Variants in SLC4A10 observed in about 807,000 individuals in gnomAD.
SLC4A10 encodes sodium-driven chloride bicarbonate exchanger.
A neutral mutation model predicts 137.7 loss-of-function variants in SLC4A10; 42 were observed. That is an observed-to-expected ratio of 0.30 (90% CI 0.24 to 0.39). SLC4A10 has a LOEUF of 0.39. Ranked by LOEUF, SLC4A10 falls within the 10% of genes least tolerant of loss-of-function variation. The probability of loss-of-function intolerance (pLI) is 1.00; values close to 1 mark genes in which losing one functional copy is unlikely to be tolerated. For missense variants in SLC4A10, 925 were observed against 1,355.0 expected (o/e 0.68, Z 4.98); for synonymous variants, 474 against 464.1 (o/e 1.02, Z -0.27).
chr2:161,905,960 A>G, intron 15 of SLC4A10, 73 bp downstream of exon 15: 1 of 1,497,690 alleles, frequency 6.7e-7, no homozygotes, highest in Non-Finnish European at 8.9e-7. Context: ...AAGAAATATG[A>G]GGAAATTACT....
chr2:161,956,080 C>T (rs753732141), intron 19 of SLC4A10, among the ~76,000 whole-genome samples: 8 of 152,084 alleles, frequency 5.3e-5, no homozygotes, highest in Admixed American at 2.6e-4. Flanking sequence ...AGCCTTGAAA[C>T]CTAATGAGTA....
chr2:161,674,460 T>C (rs1164782090), intron 1 of SLC4A10, among the ~76,000 whole-genome samples: 1 of 152,230 alleles, frequency 6.6e-6, no homozygotes, highest in Non-Finnish European at 1.5e-5. Flanking sequence ...TTATTTCTGC[T>C]ACTGCTGCCA....
intron 19 of SLC4A10, among the ~76,000 whole-genome samples, chr2:161,952,018 A>T (rs1694891020): frequency 6.6e-6 from 1 of 152,132 alleles, no homozygotes; most frequent in South Asian, 2.1e-4. Flanking sequence ...CAACTAAAAA[A>T]CCTGTTTTAG....
intron 1 of SLC4A10, among the ~76,000 whole-genome samples, chr2:161,669,109 C>T (rs1024662244): frequency 2.6e-5 from 4 of 151,886 alleles, no homozygotes; most frequent in African/African-American, 7.2e-5. Flanking sequence ...AAATGCTAGA[C>T]ACAAACTGTA....
At chr2:161,863,098 A>G (rs766471598) in intron 6 of SLC4A10, 36 bp downstream of exon 6, 7 of 1,581,600 alleles carry the variant, frequency 4.4e-6, no homozygotes, top group Non-Finnish European at 5.2e-6. Flanking sequence ...TATGTCTACT[A>G]TAGGTCTCTG....
intron 1 of SLC4A10, among the ~76,000 whole-genome samples, chr2:161,691,625 G>A (rs1287944494): frequency 6.6e-6 from 1 of 151,798 alleles, no homozygotes. Context: ...AATTAATATT[G>A]TCATCATTTT....
At chr2:161,910,497 T>C (rs1380738400) in intron 15 of SLC4A10, among the ~76,000 whole-genome samples, 5 of 152,138 alleles carry the variant, frequency 3.3e-5, no homozygotes, top group African/African-American at 1.2e-4. Context: ...TTGTATAAGA[T>C]GAAATGTTTC....
chr2:161,653,083 T>C (rs894054666), intron 1 of SLC4A10, among the ~76,000 whole-genome samples: 23 of 152,256 alleles, frequency 1.5e-4, no homozygotes, highest in African/African-American at 5.3e-4. Context: ...CTCCCACTTA[T>C]GAATGAGAAC....
chr2:161,765,075 A>G (rs2050653746), intron 1 of SLC4A10, among the ~76,000 whole-genome samples: 2 of 152,134 alleles, frequency 1.3e-5, no homozygotes, highest in Non-Finnish European at 2.9e-5. Context: ...AAGTCTTGAA[A>G]TAAATTTAAC....
At chr2:161,892,856 C>T (rs767666783) in intron 10 of SLC4A10, among the ~76,000 whole-genome samples, 6 of 151,986 alleles carry the variant, frequency 3.9e-5, no homozygotes, top group South Asian at 4.1e-4. Context: ...ATATTAAGTA[C>T]GTAATTCCTG....
intron 5 of SLC4A10, among the ~76,000 whole-genome samples, chr2:161,862,121 AT>A (rs1380820539): frequency 6.6e-6 from 1 of 152,184 alleles, no homozygotes; most frequent in Non-Finnish European, 1.5e-5. Flanking sequence ...TTTTACTGAC[AT>A]TTTTGATACT....
intron 1 of SLC4A10, 92 bp from the exon 2 acceptor site, chr2:161,770,881 G>A (rs41267437): frequency 0.099 from 82,636 of 833,746 alleles, 4,579 homozygotes; most frequent in East Asian, 0.12. Context: ...ACTGAATTAA[G>A]CCTTGAAATA....
At chr2:161,726,862 C>T (rs1574600533) in intron 1 of SLC4A10, among the ~76,000 whole-genome samples, 1 of 152,228 alleles carries the variant, frequency 6.6e-6, no homozygotes, top group African/African-American at 2.4e-5. Context: ...TGGGCCGAGA[C>T]TGTGCCACTG....
chr2:161,692,929 C>A (rs199889236), intron 1 of SLC4A10, among the ~76,000 whole-genome samples: 17 of 149,628 alleles, frequency 1.1e-4, no homozygotes, highest in African/African-American at 9.8e-5. Context: ...TCTTGGTGAG[C>A]AAAAAAAAAA....
intron 1 of SLC4A10, among the ~76,000 whole-genome samples, chr2:161,644,357 G>A (rs899970354): frequency 6.6e-6 from 1 of 152,160 alleles, no homozygotes; most frequent in Non-Finnish European, 1.5e-5. Flanking sequence ...TTAGCCGGGC[G>A]TGGTGGTACG....
At chr2:161,934,583 G>A (rs1691229142) in intron 15 of SLC4A10, among the ~76,000 whole-genome samples, 1 of 151,870 alleles carries the variant, frequency 6.6e-6, no homozygotes, top group African/African-American at 2.4e-5. Context: ...GAATACTTAG[G>A]TTGCTTCGAA....
intron 1 of SLC4A10, among the ~76,000 whole-genome samples, chr2:161,754,481 T>C (rs1322646894): frequency 6.6e-6 from 1 of 152,160 alleles, no homozygotes; most frequent in Non-Finnish European, 1.5e-5. Flanking sequence ...CTCATATGAA[T>C]TATGGCTTTT....
At chr2:161,928,068 C>A (rs1689524284) in intron 15 of SLC4A10, among the ~76,000 whole-genome samples, 1 of 150,848 alleles carries the variant, frequency 6.6e-6, no homozygotes, top group South Asian at 2.1e-4. Context: ...AAGACACATG[C>A]ACACGTATGT....
chr2:161,795,893 G>A (rs531039650), intron 2 of SLC4A10, among the ~76,000 whole-genome samples: 8 of 151,706 alleles, frequency 5.3e-5, no homozygotes, highest in Non-Finnish European at 8.8e-5. Context: ...CAAATGAATC[G>A]GCATTTATTT....
Sources: allele counts gnomAD v4.1 joint callset (sites outside exome capture counted in the v4.1 genomes callset), GRCh38; gene constraint gnomAD v4.1.1; transcripts MANE v1.5; gene names NCBI Gene and HGNC (gene_info 2026-07-23, HGNC 2026-07-21).